ACTR3C: variants seen among roughly 807,000 people sequenced by gnomAD.
The protein encoded by ACTR3C is actin related protein 3C.
A neutral mutation model predicts 26.3 loss-of-function variants in ACTR3C; 18 were observed. The ratio of observed to expected loss-of-function variants is 0.68; its 90% CI spans 0.47 to 1.01. The LOEUF is 1.01. Among genes scored for constraint, ACTR3C ranks in the 50% least tolerant of loss-of-function variants. The pLI is 0.00. For synonymous variants in ACTR3C, 55 were observed against 94.5 expected (o/e 0.58, Z 2.42); for missense variants, 184 against 250.7 (o/e 0.73, Z 1.80).
At chr7:150,133,752 T>TTGTC in the ACTR3C span, among the ~76,000 whole-genome samples, 5 of 151,364 alleles carry the variant, frequency 3.3e-5, no homozygotes, top group African/African-American at 1.2e-4. Flanking sequence ...GTTTGTTTGT[T>TTGTC]TGTGAGACAG....
At chr7:150,267,934 C>G (rs931180526) in intron 6 of ACTR3C, among the ~76,000 whole-genome samples, 2 of 152,168 alleles carry the variant, frequency 1.3e-5, no homozygotes, top group African/African-American at 4.8e-5. Context: ...CTTGTCACAT[C>G]TTTTCAAACC....
chr7:150,058,720 T>A, the ACTR3C span, among the ~76,000 whole-genome samples: 1 of 152,068 alleles, frequency 6.6e-6, no homozygotes, highest in Non-Finnish European at 1.5e-5. Context: ...ATCGAGACCA[T>A]CCTGGCCAAC....
chr7:150,262,498 T>C (rs1237086507), intron 6 of ACTR3C, among the ~76,000 whole-genome samples: 3 of 152,270 alleles, frequency 2.0e-5, no homozygotes, highest in Non-Finnish European at 4.4e-5. Context: ...CCAGTGACAT[T>C]GTCCTCCCCT....
At chr7:150,136,202 G>A in the ACTR3C span, among the ~76,000 whole-genome samples, 8 of 152,314 alleles carry the variant, frequency 5.3e-5, no homozygotes, top group East Asian at 1.9e-4. Flanking sequence ...ACATTTTCAC[G>A]GAGCCCTGGT....
At chr7:149,915,038 C>G in the ACTR3C span, among the ~76,000 whole-genome samples, 1 of 151,982 alleles carries the variant, frequency 6.6e-6, no homozygotes, top group Non-Finnish European at 1.5e-5. Flanking sequence ...TACCACCACG[C>G]CCTGCTAATT....
chr7:150,039,824 C>T, the ACTR3C span, among the ~76,000 whole-genome samples: 4 of 130,920 alleles, frequency 3.1e-5, no homozygotes, highest in Non-Finnish European at 3.4e-5. Context: ...GCGGGGGGTG[C>T]CTCCGCCCCC....
chr7:150,043,909 A>G, the ACTR3C span, among the ~76,000 whole-genome samples: 5 of 152,206 alleles, frequency 3.3e-5, no homozygotes, highest in African/African-American at 1.2e-4. Context: ...ACATTATACC[A>G]ATGGAAAACC....
At chr7:149,896,034 CAAAA>C in the ACTR3C span, among the ~76,000 whole-genome samples, 1,817 of 83,058 alleles carry the variant, frequency 0.022, 20 homozygotes, top group African/African-American at 0.076. Context: ...CCTGTCTCTA[CAAAA>C]AAAAAAAAAA....
the ACTR3C span, among the ~76,000 whole-genome samples, chr7:149,922,078 C>A: frequency 1.4e-5 from 2 of 143,322 alleles, no homozygotes; most frequent in Admixed American, 7.5e-5. Context: ...AACTCTTCGC[C>A]ATGCTTACAA....
the ACTR3C span, among the ~76,000 whole-genome samples, chr7:150,091,086 A>G: frequency 0.54 from 78,795 of 144,722 alleles, 22,719 homozygotes; most frequent in East Asian, 0.81. Flanking sequence ...AACATCATGA[A>G]TTTCACGGTG....
At chr7:150,279,886 C>T (rs1324500361) in intron 6 of ACTR3C, among the ~76,000 whole-genome samples, 1 of 152,184 alleles carries the variant, frequency 6.6e-6, no homozygotes, top group African/African-American at 2.4e-5. Context: ...TTTTTATAAG[C>T]TCTTGAAGAC....
the ACTR3C span, among the ~76,000 whole-genome samples, chr7:150,046,917 A>G: frequency 6.6e-6 from 1 of 152,008 alleles, no homozygotes; most frequent in Non-Finnish European, 1.5e-5. Flanking sequence ...TCTAAGGCAG[A>G]GGTGCTAGTC....
chr7:150,299,492 A>AAC (rs1795249743), intron 1 of ACTR3C, among the ~76,000 whole-genome samples: 1 of 143,552 alleles, frequency 7.0e-6, no homozygotes, highest in Non-Finnish European at 1.5e-5. Flanking sequence ...AAAAAAAAAA[A>AAC]AACAAAAAAC....
the ACTR3C span, among the ~76,000 whole-genome samples, chr7:149,885,977 T>A: frequency 6.6e-6 from 1 of 152,262 alleles, no homozygotes; most frequent in Non-Finnish European, 1.5e-5. Flanking sequence ...TGAAAGTGAC[T>A]TAATCTTTCT....
intron 1 of ACTR3C, among the ~76,000 whole-genome samples, chr7:150,302,509 A>G (rs1369382250): frequency 6.6e-6 from 1 of 151,884 alleles, no homozygotes; most frequent in Non-Finnish European, 1.5e-5. Flanking sequence ...TACTAGACAG[A>G]TTATCATATA....
the ACTR3C span, among the ~76,000 whole-genome samples, chr7:149,900,392 G>A: frequency 0.017 from 2,587 of 152,014 alleles, 86 homozygotes; most frequent in African/African-American, 0.059. Flanking sequence ...GGCCAGGATG[G>A]TCTCAATCTC....
chr7:150,278,721 C>T (rs1030616617), intron 6 of ACTR3C, among the ~76,000 whole-genome samples: 19 of 152,220 alleles, frequency 1.2e-4, no homozygotes, highest in Non-Finnish European at 2.4e-4. Flanking sequence ...CCCACTAAGA[C>T]AAAATCATGC....
the ACTR3C span, among the ~76,000 whole-genome samples, chr7:150,038,097 T>C: frequency 9.9e-3 from 1,283 of 130,042 alleles, 122 homozygotes; most frequent in African/African-American, 0.022. Flanking sequence ...TCCCCCCCTG[T>C]GATGGGAGTC....
chr7:150,310,858 C>A (rs1198380079), intron 1 of ACTR3C, among the ~76,000 whole-genome samples: 1 of 152,134 alleles, frequency 6.6e-6, no homozygotes, highest in Non-Finnish European at 1.5e-5. Flanking sequence ...GAACACTATC[C>A]TACTTCTTCA....
Sources: allele counts gnomAD v4.1 joint callset (sites outside exome capture counted in the v4.1 genomes callset), GRCh38; gene constraint gnomAD v4.1.1; transcripts MANE v1.5; gene names NCBI Gene and HGNC (gene_info 2026-07-23, HGNC 2026-07-21).